The following SLC29A4 variants were observed in gnomAD, a reference collection of about 807,000 sequenced individuals.
SLC29A4 encodes the protein equilibrative nucleoside transporter 4.
SLC29A4 carries 36 observed loss-of-function variants against 43.9 expected under a neutral mutation model. The observed-to-expected ratio is 0.82, with a 90% CI of 0.63 to 1.08. The LOEUF is 1.08. Ranked by LOEUF, SLC29A4 falls within the 50% of genes least tolerant of loss-of-function variation. The pLI, the probability that SLC29A4 is intolerant of heterozygous loss-of-function variation, is 0.00. For synonymous variants in SLC29A4, 491 were observed against 338.0 expected (o/e 1.45, Z -4.97); for missense variants, 869 against 755.3 (o/e 1.15, Z -1.77).
chr7:5,297,836 C>A (rs1165129430), intron 7 of SLC29A4, among the ~76,000 whole-genome samples: 2 of 152,166 alleles, frequency 1.3e-5, no homozygotes, highest in African/African-American at 2.4e-5. Context: ...CCTGGCTCTG[C>A]TGGGCTTCCC....
chr7:5,300,187 G>A (rs1286397927), intron 9 of SLC29A4, among the ~76,000 whole-genome samples: 24 of 152,156 alleles, frequency 1.6e-4, no homozygotes, highest in Admixed American at 1.1e-3. Context: ...AGCCACCATC[G>A]TGTCACTGCA....
chr7:5,299,030 G>C lies in SLC29A4; in HGVS notation c.925G>C (p.Asp309His). The C allele has an allele frequency of 6.2e-7, 1 of 1,611,842 alleles. No homozygotes were observed. Among genetic ancestry groups the C allele is most frequent in the African/African-American group, 1.3e-5 (1 of 75,034 alleles). ...CCTGGCCCCCAACGAGTCCCCAAAGGACAGCCCAGCCCACGAGGTGACCGG... is the reference window on the plus strand; with the variant it reads ...CCTGGCCCCCAACGAGTCCCCAAAGCACAGCCCAGCCCACGAGGTGACCGG... ...PALAPNESPK[D>H]SPAHEVTGSG... Residue 309 changes from aspartate to histidine, a missense_variant, in exon 8 of 11, where the codon GAC becomes CAC. Asp to His is a moderately conservative substitution (Grantham distance 81). Coordinates refer to ENST00000396872, the MANE Select transcript of SLC29A4 (RefSeq NM_153247.4).
chr7:5,296,806 TG>T, intron 6 of SLC29A4, 129 bp from the exon 7 acceptor site: 3 of 876,682 alleles, frequency 3.4e-6, no homozygotes, highest in African/African-American at 4.0e-5. Context: ...GGCCTGTGGG[TG>T]GGGGCAGGGC....
chr7:5,283,560 G>T (rs1784783363), intron 1 of SLC29A4, among the ~76,000 whole-genome samples: 1 of 152,182 alleles, frequency 6.6e-6, no homozygotes, highest in Admixed American at 6.5e-5. Flanking sequence ...GGCCGGACAG[G>T]CGGCAGAAAG....
In SLC29A4 at chr7:5,287,964, G is replaced by A. The variant is rs143263478; in HGVS notation, c.148G>A (p.Val50Ile). ...AQGQGLRARG[V>I]PAFTDTTLDE... The stretch of plus-strand genomic sequence containing the variant: ...GGGCCAGGGCCTTAGGGCCAGGGGC[G>A]TCCCAGCTTTCACGGATACTAGTAA... Residue 50 changes from valine to isoleucine, a missense_variant, in exon 2 of 11, where the codon GTC (valine) becomes ATC (isoleucine). By Grantham distance (29) the Val-to-Ile change is conservative (BLOSUM62 3). Transcript: ENST00000396872. 235 of 1,609,000 alleles carry A rather than the reference G, an allele frequency of 1.5e-4. No homozygotes were observed. In the African/African-American group the frequency reaches 2.1e-3, roughly 14 times the overall value.
At chr7:5,294,475 A>C (rs1435176487) in intron 5 of SLC29A4, among the ~76,000 whole-genome samples, 1 of 152,056 alleles carries the variant, frequency 6.6e-6, no homozygotes, top group Non-Finnish European at 1.5e-5. Flanking sequence ...TCTTCTCTGG[A>C]GGGTGAAGGG....
intron 10 of SLC29A4, 136 bp from the exon 11 acceptor site, chr7:5,302,661 A>T: frequency 1.2e-6 from 1 of 827,796 alleles, no homozygotes; most frequent in Non-Finnish European, 1.9e-6. Flanking sequence ...GGGTGCTCCC[A>T]GGAGGAGCGA....
In SLC29A4 at chr7:5,297,144, C is replaced by T. The variant is rs151243980; in HGVS notation, c.828C>T (p.Gly276=). Residue 276 remains glycine, a synonymous_variant, in exon 7 of 11, where the codon GGC becomes GGT. Transcript: ENST00000396872. ...GCCACCGGGGCAGGCCAGGCCTGGGCAGGGGCTATGGCTACCGCGTGCACC... is the reference window on the plus strand; with the variant it reads ...GCCACCGGGGCAGGCCAGGCCTGGGTAGGGGCTATGGCTACCGCGTGCACC... The part of the protein sequence containing the change: ...RDSHRGRPGL[G]RGYGYRVHHD... 8.1e-6 allele frequency: 13 copies of T among 1,604,090 alleles called. No homozygotes were observed. The highest frequency in any genetic ancestry group is 5.0e-5 in the Admixed American group (3 of 59,668).
At chr7:5,296,864 G>A in intron 6 of SLC29A4, 72 bp from the exon 7 acceptor site, 1 of 1,462,128 alleles carries the variant, frequency 6.8e-7, no homozygotes, top group Non-Finnish European at 9.0e-7. Flanking sequence ...TGTGTGGACG[G>A]GGCTGGGGCG....
Position 5,300,412 on chromosome 7 carries a change from C to T in SLC29A4, c.1210-10C>T, listed in dbSNP as rs1382867555. The T allele has an allele frequency of 6.8e-6, 11 of 1,610,870 alleles. No individual in the cohort carries two copies. Among genetic ancestry groups the T allele is most frequent in the African/African-American group, 1.3e-5 (1 of 74,832 alleles). On this transcript the variant is annotated splice_polypyrimidine_tract_variant and intron_variant, in intron 9 of 10. Transcript: ENST00000396872. ...CGGGACAGGGCGCCCACTTGCCTGG[C>T]TCTCTGCAGATCCTGGCAGCCCTGC...
At chr7:5,300,364 TG>T in intron 9 of SLC29A4, 57 bp from the exon 10 acceptor site, 9 of 1,601,504 alleles carry the variant, frequency 5.6e-6, no homozygotes, top group Non-Finnish European at 6.8e-6. Context: ...CTGTCGGGGG[TG>T]TGAGGCGAGT....
At position 5,287,875 on chromosome 7, in the gene SLC29A4, C is replaced by G; in HGVS notation, c.59C>G (p.Pro20Arg). The G allele has an allele frequency of 1.9e-6, 3 of 1,611,992 alleles. No individual in the cohort carries two copies. Among genetic ancestry groups the G allele is most frequent in the Non-Finnish European group, 2.5e-6 (3 of 1,179,852 alleles). ...EEPSVAGTPD[P>R]GVVMSFTFDS... ...CCCAGCGTGGCAGGCACACCAGACC[C>G]GGGCGTAGTGATGAGCTTCACCTTC... Residue 20 changes from proline (P) to arginine (R), a missense_variant, in exon 2 of 11, where the codon CCG (proline) becomes CGG (arginine). Transcript: ENST00000396872.
intron 2 of SLC29A4, among the ~76,000 whole-genome samples, chr7:5,290,476 C>T (rs1387211411): frequency 1.3e-5 from 2 of 152,214 alleles, no homozygotes; most frequent in Non-Finnish European, 2.9e-5. Context: ...GGATTACAGA[C>T]GTGAGCTGGT....
Position 5,290,770 on chromosome 7 carries a change from A to G in SLC29A4, c.208A>G (p.Ile70Val), listed in dbSNP as rs374179723. 2 of 1,613,882 alleles carry G rather than the reference A, an allele frequency of 1.2e-6. No individual in the cohort carries two copies. Among genetic ancestry groups the G allele is most frequent in the Non-Finnish European group, 1.7e-6 (2 of 1,179,880 alleles). Reference sequence around the variant, plus strand: ...AGTGCCCGATGACCGTTATCACGCCATCTACTTTGCGATGCTGCTGGCTGG... The same window carrying G: ...AGTGCCCGATGACCGTTATCACGCCGTCTACTTTGCGATGCTGCTGGCTGG... ...EPVPDDRYHA[I>V]YFAMLLAGVG... The change falls in exon 3 of 11, where the codon ATC becomes GTC. Residue 70 changes from isoleucine (I) to valine (V), a missense_variant. By Grantham distance (29) the Ile-to-Val change is conservative. Coordinates refer to ENST00000396872, the MANE Select transcript of SLC29A4 (RefSeq NM_153247.4).
intron 7 of SLC29A4, 92 bp downstream of exon 7, chr7:5,297,290 C>T (rs1785775571): frequency 7.3e-6 from 10 of 1,379,084 alleles, no homozygotes; most frequent in African/African-American, 1.5e-5. Context: ...CAGCCTCTCA[C>T]CTGCATCCCA....
At chr7:5,292,042 C>G (rs946846717) in intron 5 of SLC29A4, among the ~76,000 whole-genome samples, 5 of 152,400 alleles carry the variant, frequency 3.3e-5, no homozygotes, top group African/African-American at 1.2e-4. Flanking sequence ...CACAGAGACT[C>G]TGAGGCAGCC....
chr7:5,286,522 CA>C lies in SLC29A4; in HGVS notation c.-8-1275del, dbSNP rs57020511. ...TGGGCGACAGAGCAAGACTCCATCT[CA>C]AAAAAAAAAAAGAAAAAAGAAAAAA... On this transcript the variant is annotated intron_variant, in intron 1 of 10. Transcript: ENST00000396872. Among the ~76,000 whole-genome samples, 487 of 114,470 alleles carry C rather than the reference CA, an allele frequency of 4.3e-3. 5 individuals are homozygous for C. Among genetic ancestry groups the C allele is most frequent in the African/African-American group, 0.013 (326 of 24,776 alleles). 75.1% of individuals were successfully genotyped at this position (114,470 alleles called of 152,430 possible). A position where few individuals can be genotyped will look rare whatever the true frequency, so the allele number is the denominator to read the frequency against.
intron 10 of SLC29A4, among the ~76,000 whole-genome samples, 164 bp downstream of exon 10, chr7:5,300,826 C>T (rs1786111219): frequency 6.6e-6 from 1 of 152,214 alleles, no homozygotes; most frequent in South Asian, 2.1e-4. Context: ...TCAGCCACTT[C>T]ATTCACTCAT....
intron 7 of SLC29A4, among the ~76,000 whole-genome samples, chr7:5,298,453 G>C (rs534650479): frequency 1.3e-5 from 2 of 152,260 alleles, no homozygotes; most frequent in Admixed American, 1.3e-4. Context: ...TCAGAGGCTG[G>C]TAGAGGGTTC....
Sources: gnomAD v4.1 joint callset for allele counts (sites outside exome capture counted in the v4.1 genomes callset) on GRCh38, gnomAD v4.1.1 for gene constraint, MANE v1.5 for transcripts, NCBI Gene and HGNC (gene_info 2026-07-23, HGNC 2026-07-21) for gene names.